Variants in OXTR observed in about 807,000 individuals in gnomAD.
OXTR encodes oxytocin receptor.
In OXTR, 19 loss-of-function variants were observed where a neutral mutation model predicts 23.9. The observed-to-expected ratio is 0.80, with a 90% CI of 0.56 to 1.17. OXTR has a LOEUF of 1.17. OXTR is among the 50% of genes most tolerant of loss of function. The pLI is 0.00. For synonymous variants in OXTR, 278 were observed against 250.5 expected (o/e 1.11, Z -1.04); for missense variants, 500 against 550.7 (o/e 0.91, Z 0.92).
intron 3 of OXTR, among the ~76,000 whole-genome samples, chr3:8,765,692 C>T (rs1427445581): frequency 6.6e-6 from 1 of 152,160 alleles, no homozygotes; most frequent in Non-Finnish European, 1.5e-5. Context: ...TGGCTTTTGC[C>T]CAACCCCACT....
In OXTR at chr3:8,753,053, T is replaced by C. The variant is rs756315520; in HGVS notation, c.1094A>G (p.Lys365Arg). Residue 365 changes from lysine to arginine, a missense_variant, in exon 4 of 4, where the codon AAG becomes AGG. By Grantham distance (26) the Lys-to-Arg change is conservative (BLOSUM62 2). Coordinates refer to ENST00000316793, the MANE Select transcript of OXTR (RefSeq NM_000916.4). The stretch of plus-strand genomic sequence containing the variant: ...CAGGACAAAGGAGGACGAGTTGCTC[T>C]TTTTGCTGGCACTCGTCTCTCCCAG... Reference protein sequence around the residue: ...RRLGETSASKKSNSSSFVLSH... With the variant: ...RRLGETSASKRSNSSSFVLSH... The C allele has an allele frequency of 8.4e-5, 136 of 1,614,024 alleles. No homozygotes were observed. The highest frequency in any genetic ancestry group is 1.1e-4 in the Non-Finnish European group (134 of 1,180,018).
At chr3:8,761,328 G>GGTGT (rs202010724) in intron 3 of OXTR, among the ~76,000 whole-genome samples, 1 of 151,782 alleles carries the variant, frequency 6.6e-6, no homozygotes, top group Non-Finnish European at 1.5e-5. Context: ...TGTGTACCTC[G>GGTGT]GTGTGTGTGT....
intron 3 of OXTR, among the ~76,000 whole-genome samples, chr3:8,753,700 T>C (rs763759467): frequency 2.6e-5 from 4 of 152,212 alleles, no homozygotes; most frequent in Non-Finnish European, 4.4e-5. Context: ...AATCTTTAAA[T>C]GGGCATAAGG....
Position 8,767,712 on chromosome 3 carries a change from G to C in OXTR, c.476C>G (p.Ala159Gly). Reference protein sequence around the residue: ...RRRTDRLAVLATWLGCLVASA... With the variant: ...RRRTDRLAVLGTWLGCLVASA... ...GGCCACCAGGCAGCCGAGCCACGTG[G>C]CGAGCACTGCCAGGCGGTCGGTGCG... is the stretch of plus-strand genomic sequence containing the variant. The change falls in exon 3 of 4, where the codon GCC becomes GGC. Residue 159 changes from alanine (A) to glycine (G), a missense_variant. Coordinates refer to ENST00000316793, the MANE Select transcript of OXTR (RefSeq NM_000916.4). 2.5e-6 allele frequency: 4 copies of C among 1,609,926 alleles called. No individual in the cohort carries two copies. Among genetic ancestry groups the C allele is most frequent in the Non-Finnish European group, 3.4e-6 (4 of 1,178,232 alleles).
At chr3:8,765,577 T>A (rs1021145521) in intron 3 of OXTR, among the ~76,000 whole-genome samples, 1 of 152,212 alleles carries the variant, frequency 6.6e-6, no homozygotes, top group Non-Finnish European at 1.5e-5. Flanking sequence ...TGGTTTCACT[T>A]TCTTGATAGT....
rs150335899 is a variant in OXTR at position 8,758,528 on chromosome 3, A to G, written c.923-5304T>C. Among the ~76,000 whole-genome samples, 406 of 152,318 alleles carry G rather than the reference A, an allele frequency of 2.7e-3. 2 individuals carry two copies. The highest frequency in any genetic ancestry group is 9.5e-3 in the African/African-American group (393 of 41,568). On this transcript the variant is annotated intron_variant, in intron 3 of 3. Transcript: ENST00000316793. ...AGGACTGTGCGGGCATCTGGGAACA[A>G]AACTATGGAAGGCCCTTTCTTAAGA...
At chr3:8,765,213 C>T (rs914633955) in intron 3 of OXTR, among the ~76,000 whole-genome samples, 6 of 152,152 alleles carry the variant, frequency 3.9e-5, no homozygotes, top group African/African-American at 1.2e-4. Context: ...CTTCACGGTA[C>T]GTGTGACGTG....
chr3:8,768,352 T>G lies in OXTR; in HGVS notation c.-142-23A>C. ...ACCCTGAAACAAACCGGGAGGGCCG[T>G]GAGGAGACCGCCGCGTTTCTCTTCC... On this transcript the variant is annotated intron_variant, in intron 2 of 3. Coordinates refer to ENST00000316793, the MANE Select transcript of OXTR (RefSeq NM_000916.4). This position sits in a 1 kb window ranked among gnomAD's most constrained non-coding sequence, Gnocchi z 5.4. 2.7e-6 allele frequency: 3 copies of G among 1,109,860 alleles called. No homozygotes were observed. Among genetic ancestry groups the G allele is most frequent in the Non-Finnish European group, 2.3e-6 (2 of 884,648 alleles). 68.8% of individuals were successfully genotyped at this position (1,109,860 alleles called of 1,614,324 possible). A position where few individuals can be genotyped will look rare whatever the true frequency, so the allele number is the denominator to read the frequency against.
At position 8,753,061 on chromosome 3, in the gene OXTR, G is replaced by C. The variant is rs1391819174; in HGVS notation, c.1086C>G (p.Ala362=). The change falls in exon 4 of 4, where the codon GCC becomes GCG. Residue 362 remains alanine, a synonymous_variant. Coordinates refer to ENST00000316793, the MANE Select transcript of OXTR (RefSeq NM_000916.4). ...LKGRRLGETS[A]SKKSNSSSFV... ...AGGAGGACGAGTTGCTCTTTTTGCTGGCACTCGTCTCTCCCAGGCGTCTGC... is the reference window on the plus strand; with the variant it reads ...AGGAGGACGAGTTGCTCTTTTTGCTCGCACTCGTCTCTCCCAGGCGTCTGC... The C allele has an allele frequency of 1.2e-6, 2 of 1,614,014 alleles. No individual in the cohort carries two copies. Among genetic ancestry groups the C allele is most frequent in the Admixed American group, 1.7e-5 (1 of 60,008 alleles).
At chr3:8,758,302 C>A (rs376143475) in intron 3 of OXTR, among the ~76,000 whole-genome samples, 1 of 152,314 alleles carries the variant, frequency 6.6e-6, no homozygotes, top group East Asian at 1.9e-4. Flanking sequence ...AGCTGACGGG[C>A]AGCTGGCCAC....
intron 3 of OXTR, among the ~76,000 whole-genome samples, chr3:8,756,618 C>A (rs1319986858): frequency 1.3e-5 from 2 of 152,202 alleles, no homozygotes; most frequent in Non-Finnish European, 2.9e-5. Flanking sequence ...AGTGCCCATT[C>A]CCCATTTTTG....
chr3:8,767,357 A>T lies in OXTR; in HGVS notation c.831T>A (p.Thr277=). 1 of 1,612,360 alleles carries T rather than the reference A, an allele frequency of 6.2e-7. No individual in the cohort carries two copies. Among genetic ancestry groups the T allele is most frequent in the South Asian group, 1.1e-5 (1 of 90,826 alleles). Residue 277 remains threonine (T), a synonymous_variant, in exon 3 of 4, where the codon ACT becomes ACA. Transcript: ENST00000316793. ...CGATGAAGGCCAGCACGATGATGAAAGTCATCTTGACCGTGCGGATCTTGG... is the reference window on the plus strand; with the variant it reads ...CGATGAAGGCCAGCACGATGATGAATGTCATCTTGACCGTGCGGATCTTGG... The part of the protein sequence containing the change: ...SKAKIRTVKM[T]FIIVLAFIVC...
chr3:8,747,096 T>C (rs1380594334), downstream of OXTR, among the ~76,000 whole-genome samples: 1 of 152,066 alleles, frequency 6.6e-6, no homozygotes, highest in East Asian at 1.9e-4. Flanking sequence ...AAGTCTCATA[T>C]AATTAAAGTT....
Position 8,767,459 on chromosome 3 carries a change from C to T in OXTR, c.729G>A (p.Ala243=). ...CATCGCCAGCCGCCGCGCCCTCTGG[C>T]GCCTCGGCCGCCGCCGCTGCAGCGG... is the stretch of plus-strand genomic sequence containing the variant. ...LKTAAAAAAE[A]PEGAAAGDGG... Residue 243 remains alanine, a synonymous_variant, in exon 3 of 4, where the codon GCG becomes GCA. Transcript: ENST00000316793. The T allele has an allele frequency of 1.3e-6, 2 of 1,599,370 alleles. No individual in the cohort carries two copies. The highest frequency in any genetic ancestry group is 2.3e-5 in the East Asian group (1 of 44,374).
intron 3 of OXTR, among the ~76,000 whole-genome samples, chr3:8,763,552 A>G (rs1240811495): frequency 6.6e-6 from 1 of 152,204 alleles, no homozygotes; most frequent in Non-Finnish European, 1.5e-5. Flanking sequence ...CCAGGGTCAG[A>G]GCCCCTGCAA....
rs1484700446 is a variant in OXTR, at chr3:8,752,237, G to A, written c.*740C>T. ...CTTGCTTATTAGTTCTAATAGCTGTGTGCGTGTGTGTGTGTGTGTGTGTGT... is the reference window on the plus strand; with the variant it reads ...CTTGCTTATTAGTTCTAATAGCTGTATGCGTGTGTGTGTGTGTGTGTGTGT... On this transcript the variant is annotated 3_prime_UTR_variant, in exon 4 of 4. Transcript: ENST00000316793. 7.1e-6 allele frequency: 1 copy of A among 141,510 alleles called. No individual in the cohort carries two copies. Among genetic ancestry groups the A allele is most frequent in the African/African-American group, 2.7e-5 (1 of 36,900 alleles). 8.8% of individuals were successfully genotyped at this position (141,510 alleles called of 1,614,324 possible).
intron 3 of OXTR, among the ~76,000 whole-genome samples, chr3:8,757,400 C>T (rs1708394663): frequency 6.6e-6 from 1 of 151,078 alleles, no homozygotes; most frequent in African/African-American, 2.4e-5. Context: ...AGAAATTCTC[C>T]TTAGCCCATT....
intron 3 of OXTR, among the ~76,000 whole-genome samples, chr3:8,761,177 G>C (rs1708478115): frequency 6.6e-6 from 1 of 152,226 alleles, no homozygotes; most frequent in Non-Finnish European, 1.5e-5. Context: ...TCTAAACCAA[G>C]AAGGTGAAAA....
chr3:8,751,392 T>C lies in OXTR; in HGVS notation c.*1585A>G, dbSNP rs1708255161. On this transcript the variant is annotated 3_prime_UTR_variant, in exon 4 of 4. Coordinates refer to ENST00000316793, the MANE Select transcript of OXTR (RefSeq NM_000916.4). Reference sequence around the variant, plus strand: ...ACAAAAGCTTCAAATCTTGATTAAGTCCAATTTACCTATTTTTCCATTGGT... The same window carrying C: ...ACAAAAGCTTCAAATCTTGATTAAGCCCAATTTACCTATTTTTCCATTGGT... The C allele has an allele frequency of 6.6e-6, 1 of 152,194 alleles. No individual in the cohort carries two copies. Among genetic ancestry groups the C allele is most frequent in the African/African-American group, 2.4e-5 (1 of 41,442 alleles). The allele number at this position is 152,194 out of a possible 1,614,324, so 9.4% of individuals were successfully genotyped here. A position where few individuals can be genotyped will look rare whatever the true frequency, so the allele number is the denominator to read the frequency against.
Sources: gnomAD v4.1 joint callset for allele counts (sites outside exome capture counted in the v4.1 genomes callset) on GRCh38, gnomAD v4.1.1 for gene constraint, Gnocchi (gnomAD v3.1) non-coding constraint, MANE v1.5 for transcripts, NCBI Gene and HGNC (gene_info 2026-07-23, HGNC 2026-07-21) for gene names.